Variants in GPC5 observed in about 807,000 individuals in gnomAD.
GPC5 encodes glypican 5.
GPC5 carries 47 observed loss-of-function variants against 53.9 expected under a neutral mutation model. The observed-to-expected ratio is 0.87, with a 90% CI of 0.69 to 1.11. The LOEUF is 1.11. Among genes scored for constraint, GPC5 ranks in the 50% most tolerant of loss-of-function variants. The pLI, the probability that GPC5 is intolerant of heterozygous loss-of-function variation, is 0.00. For missense variants in GPC5, 748 were observed against 713.1 expected, an observed-to-expected ratio of 1.05 and a Z score of -0.56; for synonymous variants, 286 against 263.3, an observed-to-expected ratio of 1.09 and a Z score of -0.84.
intron 6 of GPC5, among the ~76,000 whole-genome samples, chr13:92,130,862 T>C (rs2041737555): frequency 6.6e-6 from 1 of 151,590 alleles, no homozygotes; most frequent in Non-Finnish European, 1.5e-5. Flanking sequence ...GATAAAGTAC[T>C]GAAAAGGAAT....
chr13:91,619,105 A>G lies in GPC5; in HGVS notation c.326-74082A>G, dbSNP rs1333933671. On this transcript the variant is annotated intron_variant, in intron 2 of 7. Transcript: ENST00000377067. ...GAGGAGAGAATTAACTTACTTCAGA[A>G]AAGACTTGCCCCCAAATCCTAGGAA... Among the ~76,000 whole-genome samples, 3 of 152,158 alleles carry G rather than the reference A, an allele frequency of 2.0e-5. No individual in the cohort carries two copies. The East Asian group carries it at 5.8e-4, about 29-fold the overall frequency.
intron 7 of GPC5, among the ~76,000 whole-genome samples, chr13:92,205,770 G>A (rs1303699813): frequency 2.0e-5 from 3 of 152,204 alleles, no homozygotes; most frequent in South Asian, 2.1e-4. Flanking sequence ...ATTTCGGCCA[G>A]GCGCGGTGGC....
chr13:91,770,537 G>A (rs2037603183), intron 5 of GPC5, among the ~76,000 whole-genome samples: 1 of 152,124 alleles, frequency 6.6e-6, no homozygotes, highest in Admixed American at 6.6e-5. Context: ...AAACTCCAGA[G>A]GATTTAGGAG....
intron 7 of GPC5, chr13:92,701,351 C>T (rs1025992454): frequency 6.6e-6 from 1 of 152,000 alleles, no homozygotes; most frequent in Non-Finnish European, 1.5e-5. Flanking sequence ...TGTTTTGGCT[C>T]TCAATGTGTG....
intron 6 of GPC5, among the ~76,000 whole-genome samples, chr13:92,007,650 A>G (rs2040619313): frequency 6.6e-6 from 1 of 152,048 alleles, no homozygotes; most frequent in South Asian, 2.1e-4. Flanking sequence ...CAATTTGTCA[A>G]TCTCTGCTTT....
At position 91,908,027 on chromosome 13, in the gene GPC5, G is replaced by T; in HGVS notation, c.1371G>T (p.Gln457His). The T allele has an allele frequency of 6.3e-7, 1 of 1,590,980 alleles. No homozygotes were observed. The change falls in exon 6 of 8, where the codon CAG (glutamine) becomes CAT (histidine). Residue 457 changes from glutamine to histidine, a missense_variant. Transcript: ENST00000377067. ...AAGGAATTGATCCTGTGATAAATCA[G>T]ATTATTGATAAACTGAAGCATGTTG... Reference protein sequence around the residue: ...KVKGIDPVINQIIDKLKHVVQ... With the variant: ...KVKGIDPVINHIIDKLKHVVQ...
rs1033993724 is a variant in GPC5 at position 92,653,887 on chromosome 13, G to T, written c.1562-212395G>T. 5.2e-4 allele frequency among the ~76,000 whole-genome samples: 79 copies of T among 152,310 alleles called. 1 individual carries two copies. Among genetic ancestry groups the T allele is most frequent in the African/African-American group, 1.9e-3 (79 of 41,582 alleles). On this transcript the variant is annotated intron_variant, in intron 7 of 7. Coordinates refer to ENST00000377067, the MANE Select transcript of GPC5 (RefSeq NM_004466.6). ...CAGAGTGAAGTAGTACTTAGTCAGTGCCCAGAGCTCAAAACTCAGTGAAGT... is the reference window on the plus strand; with the variant it reads ...CAGAGTGAAGTAGTACTTAGTCAGTTCCCAGAGCTCAAAACTCAGTGAAGT...
intron 7 of GPC5, among the ~76,000 whole-genome samples, chr13:92,291,097 G>A (rs980819288): frequency 6.6e-5 from 10 of 152,170 alleles, no homozygotes; most frequent in African/African-American, 2.2e-4. Flanking sequence ...CAGGGCTTGG[G>A]ACCTGCAGCC....
intron 7 of GPC5, among the ~76,000 whole-genome samples, chr13:92,359,147 G>A (rs539993800): frequency 6.6e-6 from 1 of 151,800 alleles, no homozygotes; most frequent in Admixed American, 6.5e-5. Context: ...CACATCTTGA[G>A]TGCTTTGCTG....
chr13:91,750,808 C>A (rs547159), intron 4 of GPC5, among the ~76,000 whole-genome samples: 112,609 of 151,548 alleles, frequency 0.74, 42,119 homozygotes, highest in Middle Eastern at 0.83. Flanking sequence ...GATTACAGGC[C>A]TGCGCCACCA....
At chr13:92,655,626 C>T (rs1886108636) in intron 7 of GPC5, among the ~76,000 whole-genome samples, 1 of 152,188 alleles carries the variant, frequency 6.6e-6, no homozygotes, top group East Asian at 1.9e-4. Flanking sequence ...TAGGCGTGAG[C>T]CACCGCACCT....
At chr13:91,482,697 A>G (rs1449622652) in intron 2 of GPC5, among the ~76,000 whole-genome samples, 1 of 152,102 alleles carries the variant, frequency 6.6e-6, no homozygotes, top group East Asian at 1.9e-4. Flanking sequence ...TTTCCCAGGG[A>G]TTAATGTCAC....
chr13:91,990,084 C>T (rs1258000703), intron 6 of GPC5, among the ~76,000 whole-genome samples: 1 of 152,092 alleles, frequency 6.6e-6, no homozygotes, highest in Non-Finnish European at 1.5e-5. Flanking sequence ...CCTCAGGGTT[C>T]CCATCTATGC....
intron 7 of GPC5, among the ~76,000 whole-genome samples, chr13:92,431,924 T>G (rs190852775): frequency 2.0e-5 from 3 of 152,270 alleles, no homozygotes; most frequent in Admixed American, 6.5e-5. Context: ...GCTGGCAGAT[T>G]GTAGGAAGTT....
At chr13:92,103,675 C>G (rs1356042344) in intron 6 of GPC5, among the ~76,000 whole-genome samples, 2 of 152,082 alleles carry the variant, frequency 1.3e-5, no homozygotes, top group Non-Finnish European at 2.9e-5. Context: ...CACAAGAATC[C>G]TTAAAGGCCC....
rs1403844889 is a variant in GPC5 at position 91,572,115 on chromosome 13, A to G, written c.326-121072A>G. On this transcript the variant is annotated intron_variant, in intron 2 of 7. Transcript: ENST00000377067. ...CATGTGTGTGTATATACACACATGTATATATACGTGTGTATATACACATAT... is the reference window on the plus strand; with the variant it reads ...CATGTGTGTGTATATACACACATGTGTATATACGTGTGTATATACACATAT... Among the ~76,000 whole-genome samples, 9 of 125,668 alleles carry G rather than the reference A, an allele frequency of 7.2e-5. 2 individuals are homozygous for G. The highest frequency in any genetic ancestry group is 2.5e-4 in the African/African-American group (8 of 31,508). The allele number at this position is 125,668 out of a possible 152,430, so 82.4% of individuals were successfully genotyped here. A position where few individuals can be genotyped will look rare whatever the true frequency, so the allele number is the denominator to read the frequency against.
intron 7 of GPC5, among the ~76,000 whole-genome samples, chr13:92,169,197 G>A (rs1252555137): frequency 6.6e-6 from 1 of 152,156 alleles, no homozygotes; most frequent in Non-Finnish European, 1.5e-5. Context: ...GTGGCGGGAA[G>A]GGAGAGCATT....
intron 3 of GPC5, among the ~76,000 whole-genome samples, chr13:91,713,437 G>A (rs1265582484): frequency 1.3e-5 from 2 of 151,742 alleles, no homozygotes; most frequent in East Asian, 1.9e-4. Context: ...AAAACCGAAC[G>A]TGGAAAGCAG....
intron 5 of GPC5, among the ~76,000 whole-genome samples, chr13:91,784,491 A>G (rs1015474814): frequency 6.6e-6 from 1 of 152,096 alleles, no homozygotes; most frequent in Admixed American, 6.5e-5. Context: ...TCGGGAGGCC[A>G]AGGTGGGCAG....
Sources: gnomAD v4.1 joint callset for allele counts (sites outside exome capture counted in the v4.1 genomes callset) on GRCh38, gnomAD v4.1.1 for gene constraint, MANE v1.5 for transcripts, NCBI Gene and HGNC (gene_info 2026-07-23, HGNC 2026-07-21) for gene names.